Variants in LRFN2 observed in about 807,000 individuals in gnomAD.
LRFN2 encodes the protein leucine-rich repeat and fibronectin type-III domain-containing protein 2.
In LRFN2, 18 loss-of-function variants were observed where a neutral mutation model predicts 37.3. That is an observed-to-expected ratio of 0.48 (90% CI 0.33 to 0.72). LRFN2 has a LOEUF of 0.72. Ranked by LOEUF, LRFN2 falls within the 30% of genes least tolerant of loss-of-function variation. The pLI is 0.02. For missense variants in LRFN2, 1,006 were observed against 1,060.7 expected, an observed-to-expected ratio of 0.95 and a Z score of 0.72; for synonymous variants, 556 against 466.6, an observed-to-expected ratio of 1.19 and a Z score of -2.47.
intron 1 of LRFN2, among the ~76,000 whole-genome samples, chr6:40,499,260 C>T (rs1765313091): frequency 6.6e-6 from 1 of 152,200 alleles, no homozygotes; most frequent in Admixed American, 6.5e-5. Context: ...CCCATCTCCC[C>T]AGCCCTGATG....
At chr6:40,584,228 C>T (rs1347111573) in intron 1 of LRFN2, among the ~76,000 whole-genome samples, 1 of 152,198 alleles carries the variant, frequency 6.6e-6, no homozygotes, top group African/African-American at 2.4e-5. Flanking sequence ...CCTGTTTCCA[C>T]TGAAGACTCT....
intron 1 of LRFN2, among the ~76,000 whole-genome samples, chr6:40,525,915 C>A (rs1186159220): frequency 6.6e-6 from 1 of 152,144 alleles, no homozygotes; most frequent in African/African-American, 2.4e-5. Flanking sequence ...CTGAAATGAA[C>A]CCCCCTCAGA....
intron 1 of LRFN2, among the ~76,000 whole-genome samples, chr6:40,522,653 A>T (rs1163506740): frequency 6.6e-6 from 1 of 152,100 alleles, no homozygotes; most frequent in Non-Finnish European, 1.5e-5. Flanking sequence ...GCTGTTTCCC[A>T]CCTGCACCAG....
At position 40,432,476 on chromosome 6, in the gene LRFN2, G is replaced by T. The variant is rs543358029; in HGVS notation, c.638C>A (p.Pro213His). 6.2e-7 allele frequency: 1 copy of T among 1,614,218 alleles called. No homozygotes were observed. Among genetic ancestry groups the T allele is most frequent in the South Asian group, 1.1e-5 (1 of 91,086 alleles). ...GGAGCGGGCAAAGATGGGATCAGGGGGCAGCTTCTGCAGCCGATTGGAGGT... is the reference window on the plus strand; with the variant it reads ...GGAGCGGGCAAAGATGGGATCAGGGTGCAGCTTCTGCAGCCGATTGGAGGT... ...DLTSNRLQKL[P>H]PDPIFARSQA... The change falls in exon 2 of 3, where the codon CCC becomes CAC. Residue 213 changes from proline to histidine, a missense_variant. By Grantham distance (77) the Pro-to-His change is moderately conservative (BLOSUM62 -2). Coordinates refer to ENST00000338305, the MANE Select transcript of LRFN2 (RefSeq NM_020737.3).
chr6:40,500,686 C>T (rs967420556), intron 1 of LRFN2, among the ~76,000 whole-genome samples: 16 of 152,214 alleles, frequency 1.1e-4, no homozygotes, highest in Admixed American at 4.6e-4. Flanking sequence ...GTAATCCAAA[C>T]AGTGCACTGG....
intron 1 of LRFN2, among the ~76,000 whole-genome samples, chr6:40,500,507 C>T (rs1020730172): frequency 2.6e-5 from 4 of 152,214 alleles, no homozygotes; most frequent in African/African-American, 7.2e-5. Flanking sequence ...TAAAAAGTCC[C>T]TTCCTTAAAG....
chr6:40,540,918 G>T (rs1331101142), intron 1 of LRFN2, among the ~76,000 whole-genome samples: 2 of 152,190 alleles, frequency 1.3e-5, no homozygotes, highest in Non-Finnish European at 2.9e-5. Flanking sequence ...CGGTCTATCA[G>T]AGGCTGCAGG....
At chr6:40,506,199 T>C (rs1378348460) in intron 1 of LRFN2, among the ~76,000 whole-genome samples, 1 of 152,170 alleles carries the variant, frequency 6.6e-6, no homozygotes, top group African/African-American at 2.4e-5. Context: ...GGCAGTAAAG[T>C]GGGTGTCTAC....
chr6:40,450,991 A>G (rs1484809142), intron 1 of LRFN2, among the ~76,000 whole-genome samples: 1 of 152,214 alleles, frequency 6.6e-6, no homozygotes, highest in African/African-American at 2.4e-5. Flanking sequence ...CACTCACCTC[A>G]AAGACACCAT....
At chr6:40,579,983 G>A (rs1459606543) in intron 1 of LRFN2, among the ~76,000 whole-genome samples, 1 of 152,224 alleles carries the variant, frequency 6.6e-6, no homozygotes, top group Non-Finnish European at 1.5e-5. Context: ...TTTGAAGGAA[G>A]TGAAGGTAGC....
chr6:40,472,746 G>T (rs1764627693), intron 1 of LRFN2, among the ~76,000 whole-genome samples: 1 of 152,134 alleles, frequency 6.6e-6, no homozygotes, highest in Non-Finnish European at 1.5e-5. Context: ...TTCTCCCCAG[G>T]CCTCTCTCCT....
chr6:40,401,635 A>G (rs1762743308), intron 2 of LRFN2, among the ~76,000 whole-genome samples: 1 of 152,098 alleles, frequency 6.6e-6, no homozygotes, highest in Admixed American at 6.5e-5. Context: ...AGCCTGAAGT[A>G]TTTGCTATTT....
chr6:40,585,910 T>C (rs2113803309), intron 1 of LRFN2, among the ~76,000 whole-genome samples: 1 of 152,136 alleles, frequency 6.6e-6, no homozygotes, highest in Non-Finnish European at 1.5e-5. Context: ...TCATCATCTA[T>C]AGCCATGCCT....
chr6:40,490,088 G>A (rs1765053698), intron 1 of LRFN2, among the ~76,000 whole-genome samples: 1 of 152,158 alleles, frequency 6.6e-6, no homozygotes, highest in Non-Finnish European at 1.5e-5. Flanking sequence ...GAAGGGCCCA[G>A]CACCTACTGC....
At chr6:40,508,447 TG>T (rs1175878389) in intron 1 of LRFN2, among the ~76,000 whole-genome samples, 1 of 151,886 alleles carries the variant, frequency 6.6e-6, no homozygotes, top group African/African-American at 2.4e-5. Flanking sequence ...CAGTGGGTGG[TG>T]GGGGGGATCC....
At chr6:40,406,579 C>A (rs111335654) in intron 2 of LRFN2, among the ~76,000 whole-genome samples, 99 of 152,312 alleles carry the variant, frequency 6.5e-4, no homozygotes, top group Middle Eastern at 3.4e-3. Flanking sequence ...AGCAGGCCCA[C>A]CTGGCTGTCA....
intron 1 of LRFN2, among the ~76,000 whole-genome samples, chr6:40,513,197 AT>A (rs1765764851): frequency 6.6e-6 from 1 of 152,096 alleles, no homozygotes; most frequent in Admixed American, 6.5e-5. Context: ...TAGCAGAACA[AT>A]TGAAGGAGCA....
chr6:40,408,092 T>A (rs1388735777), intron 2 of LRFN2: 1 of 152,554 alleles, frequency 6.6e-6, no homozygotes, highest in African/African-American at 2.4e-5. Flanking sequence ...TGGGGAATTC[T>A]TATTTAGTGA....
chr6:40,434,472 C>CT (rs570406562), intron 1 of LRFN2, among the ~76,000 whole-genome samples: 30 of 149,666 alleles, frequency 2.0e-4, no homozygotes, highest in Admixed American at 6.7e-4. Context: ...CTCAAATTGC[C>CT]TTTTTTTTTC....
Sources: gnomAD v4.1 joint callset for allele counts (sites outside exome capture counted in the v4.1 genomes callset) on GRCh38, gnomAD v4.1.1 for gene constraint, MANE v1.5 for transcripts, NCBI Gene and HGNC (gene_info 2026-07-23, HGNC 2026-07-21) for gene names.